Variants in FRMD6 observed in about 807,000 individuals in gnomAD.
FRMD6 encodes the protein FERM domain-containing protein 6.
In FRMD6, 37 loss-of-function variants were observed where a neutral mutation model predicts 73.2. The observed-to-expected ratio is 0.51, with a 90% CI of 0.39 to 0.66. FRMD6 has a LOEUF of 0.66. Ranked by LOEUF, FRMD6 falls within the 30% of genes least tolerant of loss-of-function variation. The pLI, the probability that FRMD6 is intolerant of heterozygous loss-of-function variation, is 0.00. For synonymous variants in FRMD6, 273 were observed against 282.2 expected (o/e 0.97, Z 0.33); for missense variants, 714 against 780.5 (o/e 0.91, Z 1.02).
chr14:51,501,965 C>G (rs1883645638), intron 1 of FRMD6, among the ~76,000 whole-genome samples: 2 of 152,212 alleles, frequency 1.3e-5, no homozygotes, highest in Admixed American at 6.5e-5. Flanking sequence ...TTGCATTTCT[C>G]AAATGCTCAG....
the FRMD6 span, among the ~76,000 whole-genome samples, chr14:51,439,425 T>G: frequency 6.6e-6 from 1 of 152,266 alleles, no homozygotes; most frequent in Non-Finnish European, 1.5e-5. Context: ...TCAAACTCTA[T>G]GCATGCAAGG....
rs546522737 is a variant in FRMD6, at chr14:51,718,591, C to CTGCT, written c.1025-1463_1025-1460dup. 6.7e-3 allele frequency among the ~76,000 whole-genome samples: 1,015 copies of CTGCT among 152,312 alleles called. 9 individuals are homozygous for CTGCT. Among genetic ancestry groups the CTGCT allele is most frequent in the African/African-American group, 0.023 (964 of 41,546 alleles). ...TTAGCTGTCCACCTTCATCTCACAC[C>CTGCT]TGCTGATTCAGAAGATGGGGATTGT... is the stretch of plus-strand genomic sequence containing the variant. On this transcript the variant is annotated intron_variant, in intron 10 of 13. Transcript: ENST00000344768.
the FRMD6 span, among the ~76,000 whole-genome samples, chr14:51,416,584 A>G: frequency 6.6e-5 from 10 of 152,184 alleles, no homozygotes; most frequent in African/African-American, 9.7e-5. Context: ...TATGTGGTCA[A>G]TTTTGGAATA....
At position 51,501,368 on chromosome 14, in the gene FRMD6, C is replaced by G. The variant is rs112897012; in HGVS notation, c.-210+11948C>G. ...TATGCTTCCTGATGCTCTCCCTCCC[C>G]CAACCAACCCCTCCCAACAGGCCCC... On this transcript the variant is annotated intron_variant, in intron 1 of 14. Transcript: ENST00000356218. 4.7e-3 allele frequency among the ~76,000 whole-genome samples: 722 copies of G among 152,272 alleles called. 6 individuals are homozygous for G. The highest frequency in any genetic ancestry group is 0.015 in the African/African-American group (622 of 41,566).
At chr14:51,543,688 G>A (rs1369885484) in intron 1 of FRMD6, among the ~76,000 whole-genome samples, 3 of 151,970 alleles carry the variant, frequency 2.0e-5, no homozygotes, top group African/African-American at 4.8e-5. Context: ...ATTTCTATAG[G>A]AGAATGAGAC....
intron 1 of FRMD6, among the ~76,000 whole-genome samples, chr14:51,565,973 G>T (rs1393744858): frequency 1.3e-5 from 2 of 152,152 alleles, no homozygotes; most frequent in Non-Finnish European, 2.9e-5. Context: ...GACCATCCTG[G>T]CTAACATGGT....
chr14:51,486,949 T>C (rs77088568), upstream of FRMD6, among the ~76,000 whole-genome samples: 1 of 142,624 alleles, frequency 7.0e-6, no homozygotes, highest in Non-Finnish European at 1.5e-5. Flanking sequence ...TTTTTTTTTT[T>C]GTTTTTGAAG....
chr14:51,581,375 C>T (rs1888713732), intron 2 of FRMD6, among the ~76,000 whole-genome samples: 1 of 152,178 alleles, frequency 6.6e-6, no homozygotes, highest in Non-Finnish European at 1.5e-5. Context: ...ATGAGTAAGG[C>T]AATTCCCCAC....
At chr14:51,634,266 AAT>A (rs1313354956) in intron 2 of FRMD6, among the ~76,000 whole-genome samples, 3 of 152,242 alleles carry the variant, frequency 2.0e-5, no homozygotes, top group Non-Finnish European at 2.9e-5. Context: ...GACCAGCAAG[AAT>A]ACATCAGATT....
At chr14:51,721,559 G>A (rs1897567856) in intron 11 of FRMD6, among the ~76,000 whole-genome samples, 1 of 148,968 alleles carries the variant, frequency 6.7e-6, no homozygotes, top group Admixed American at 6.7e-5. Flanking sequence ...GCAGTGAGCG[G>A]AGATCACACC....
the FRMD6 span, chr14:51,454,818 A>G: frequency 7.3e-6 from 1 of 137,456 alleles, no homozygotes; most frequent in East Asian, 2.0e-4. Flanking sequence ...GTTAGGTCCT[A>G]TAATTAAAAA....
intron 1 of FRMD6, among the ~76,000 whole-genome samples, chr14:51,525,981 G>A (rs1885233017): frequency 6.6e-6 from 1 of 152,140 alleles, no homozygotes; most frequent in South Asian, 2.1e-4. Context: ...CAGGGCACAG[G>A]AGGCATCCGG....
At chr14:51,670,031 A>T (rs1007318971) in intron 1 of FRMD6, among the ~76,000 whole-genome samples, 4 of 149,572 alleles carry the variant, frequency 2.7e-5, no homozygotes, top group Non-Finnish European at 4.5e-5. Flanking sequence ...ATTTTTACCG[A>T]AAAAAAAAAG....
At chr14:51,546,505 G>A (rs1320973251) in intron 1 of FRMD6, 3 of 143,818 alleles carry the variant, frequency 2.1e-5, no homozygotes, top group Non-Finnish European at 4.5e-5. Context: ...ATCTAATGGG[G>A]TAAAGGTAAT....
At chr14:51,644,223 A>C (rs1264861766) in intron 2 of FRMD6, among the ~76,000 whole-genome samples, 1 of 152,194 alleles carries the variant, frequency 6.6e-6, no homozygotes, top group East Asian at 1.9e-4. Context: ...CATTCAAATC[A>C]ACCAAGGCTT....
intron 1 of FRMD6, among the ~76,000 whole-genome samples, chr14:51,539,193 T>A (rs558338877): frequency 1.3e-5 from 2 of 152,144 alleles, no homozygotes; most frequent in Non-Finnish European, 1.5e-5. Context: ...CCTTTGCACA[T>A]GCTGTTTTCT....
At chr14:51,494,320 A>G (rs546797675) in intron 1 of FRMD6, among the ~76,000 whole-genome samples, 14 of 152,362 alleles carry the variant, frequency 9.2e-5, no homozygotes, top group Admixed American at 2.0e-4. Flanking sequence ...CTATGAATCT[A>G]TGAAACCAAA....
intron 2 of FRMD6, chr14:51,637,683 A>AAAAC (rs1891633822): frequency 6.6e-6 from 1 of 152,234 alleles, no homozygotes; most frequent in Non-Finnish European, 1.5e-5. Flanking sequence ...GGAGAACAGA[A>AAAAC]AAACATTTTC....
intron 2 of FRMD6, chr14:51,584,258 CT>C (rs1035603038): frequency 1.4e-4 from 21 of 152,174 alleles, no homozygotes; most frequent in African/African-American, 5.1e-4. Context: ...CTGAAAGATT[CT>C]CCTGGCAGAG....
Sources: gnomAD v4.1 joint callset for allele counts (sites outside exome capture counted in the v4.1 genomes callset) on GRCh38, gnomAD v4.1.1 for gene constraint, MANE v1.5 for transcripts, NCBI Gene and HGNC (gene_info 2026-07-23, HGNC 2026-07-21) for gene names.